TNR: variants seen among roughly 807,000 people sequenced by gnomAD.
The protein encoded by TNR is tenascin-R.
In TNR, 45 loss-of-function variants were observed where a neutral mutation model predicts 150.4. The observed-to-expected ratio is 0.30, with a 90% CI of 0.24 to 0.38. The LOEUF is 0.38. TNR is among the 10% of genes least tolerant of loss of function. The pLI, the probability that TNR is intolerant of heterozygous loss-of-function variation, is 1.00. For missense variants in TNR, 1,544 were observed against 1,759.1 expected (o/e 0.88, Z 2.19); for synonymous variants, 687 against 678.4 (o/e 1.01, Z -0.20).
intron 1 of TNR, among the ~76,000 whole-genome samples, chr1:175,714,060 C>T (rs1667089283): frequency 6.6e-6 from 1 of 151,884 alleles, no homozygotes; most frequent in Non-Finnish European, 1.5e-5. Context: ...TGTTCTCTCT[C>T]TATGTGCTGT....
At chr1:175,631,256 A>T (rs964492359) in intron 1 of TNR, among the ~76,000 whole-genome samples, 14 of 152,264 alleles carry the variant, frequency 9.2e-5, no homozygotes, top group African/African-American at 3.4e-4. Context: ...ATTTGTTAAG[A>T]TAAAAGAAAA....
intron 1 of TNR, among the ~76,000 whole-genome samples, chr1:175,665,715 G>A (rs1206149592): frequency 1.3e-5 from 2 of 152,192 alleles, no homozygotes; most frequent in African/African-American, 2.4e-5. Context: ...ACCTGTACCA[G>A]GCACTGTTAG....
At chr1:175,630,025 C>A (rs1356919809) in intron 1 of TNR, among the ~76,000 whole-genome samples, 1 of 152,152 alleles carries the variant, frequency 6.6e-6, no homozygotes, top group African/African-American at 2.4e-5. Flanking sequence ...TGCCCAGGGT[C>A]ATTTCCCAGG....
intron 2 of TNR, among the ~76,000 whole-genome samples, chr1:175,504,514 G>A (rs1658871266): frequency 1.3e-5 from 2 of 152,156 alleles, no homozygotes; most frequent in African/African-American, 2.4e-5. Context: ...TGCCTCCGCT[G>A]TGAGTCGGGT....
At chr1:175,547,317 T>C (rs1482202255) in intron 1 of TNR, among the ~76,000 whole-genome samples, 1 of 145,426 alleles carries the variant, frequency 6.9e-6, no homozygotes, top group South Asian at 2.3e-4. Flanking sequence ...TGTGGGACTG[T>C]CGCCACCCTC....
At chr1:175,566,583 T>C (rs75357818) in intron 1 of TNR, among the ~76,000 whole-genome samples, 8,713 of 152,308 alleles carry the variant, frequency 0.057, 836 homozygotes, top group African/African-American at 0.2. Context: ...GGGGTTCAGC[T>C]GGAAGGGGAT....
At chr1:175,477,708 G>A (rs1571496809) in intron 2 of TNR, among the ~76,000 whole-genome samples, 1 of 152,210 alleles carries the variant, frequency 6.6e-6, no homozygotes, top group Non-Finnish European at 1.5e-5. Context: ...AGAGAGGAAA[G>A]CATTTGGGAG....
At chr1:175,718,766 G>C (rs1373515073) in intron 1 of TNR, among the ~76,000 whole-genome samples, 2 of 152,108 alleles carry the variant, frequency 1.3e-5, no homozygotes, top group Non-Finnish European at 2.9e-5. Context: ...GAAGCCCGGG[G>C]GATTATATGA....
chr1:175,540,002 T>C (rs376954942), intron 1 of TNR, among the ~76,000 whole-genome samples: 2 of 151,266 alleles, frequency 1.3e-5, no homozygotes, highest in East Asian at 2.0e-4. Flanking sequence ...AGAAGACAAG[T>C]TGAATCTCCC....
intron 1 of TNR, among the ~76,000 whole-genome samples, chr1:175,659,829 G>C (rs1024291084): frequency 6.6e-6 from 1 of 152,032 alleles, no homozygotes; most frequent in African/African-American, 2.4e-5. Context: ...GGAGGTGGCA[G>C]GTGTGGTGGG....
chr1:175,729,470 C>G (rs1667573104), intron 1 of TNR, among the ~76,000 whole-genome samples: 1 of 152,212 alleles, frequency 6.6e-6, no homozygotes, highest in African/African-American at 2.4e-5. Flanking sequence ...TGCTCTGTCT[C>G]CACGCCAGAG....
intron 19 of TNR, among the ~76,000 whole-genome samples, chr1:175,336,452 T>C (rs1250867566): frequency 2.6e-5 from 4 of 152,166 alleles, no homozygotes; most frequent in Admixed American, 1.3e-4. Flanking sequence ...CCAGGAAACA[T>C]CCAGCACTGT....
intron 2 of TNR, among the ~76,000 whole-genome samples, chr1:175,462,134 T>C (rs901795923): frequency 4.6e-5 from 7 of 152,212 alleles, no homozygotes. Context: ...CTTTCTCCTT[T>C]GATTATAAAA....
chr1:175,501,365 C>A (rs1456786567), intron 2 of TNR, among the ~76,000 whole-genome samples: 3 of 152,204 alleles, frequency 2.0e-5, no homozygotes, highest in Non-Finnish European at 2.9e-5. Flanking sequence ...CAGCCCCCTG[C>A]CAATAGCCAG....
rs189857036 is a variant in TNR at position 175,581,739 on chromosome 1, G to T, written c.-164-53370C>A. Among the ~76,000 whole-genome samples, 11 of 152,254 alleles carry T rather than the reference G, an allele frequency of 7.2e-5. No homozygotes were observed. The East Asian group carries it at 2.1e-3, about 29-fold the overall frequency. On this transcript the variant is annotated intron_variant, in intron 1 of 22. Coordinates refer to ENST00000367674, the MANE Select transcript of TNR (RefSeq NM_003285.3). The stretch of plus-strand genomic sequence containing the variant: ...ATGACAGATTAGATAAGATGATCAG[G>T]TTTATAGTGTTGGTGACAGGCATAA...
At chr1:175,338,914 G>C (rs1197548944) in intron 18 of TNR, among the ~76,000 whole-genome samples, 2 of 152,196 alleles carry the variant, frequency 1.3e-5, no homozygotes, top group African/African-American at 4.8e-5. Context: ...CACCAGGACT[G>C]CCCTTCAACT....
intron 6 of TNR, among the ~76,000 whole-genome samples, chr1:175,393,550 G>T (rs1653277125): frequency 6.6e-6 from 1 of 152,184 alleles, no homozygotes; most frequent in South Asian, 2.1e-4. Flanking sequence ...CACATCCTCT[G>T]TTCTGCAAGG....
At chr1:175,629,337 T>C (rs559529199) in intron 1 of TNR, among the ~76,000 whole-genome samples, 2 of 152,190 alleles carry the variant, frequency 1.3e-5, no homozygotes, top group African/African-American at 4.8e-5. Context: ...GCCAGGATCA[T>C]AGCCTCATAC....
At chr1:175,674,916 C>G (rs1241672272) in intron 1 of TNR, among the ~76,000 whole-genome samples, 6 of 152,004 alleles carry the variant, frequency 3.9e-5, no homozygotes, top group Admixed American at 6.6e-5. Flanking sequence ...CTTACCCGCA[C>G]AGCTAATTAA....
Sources: gnomAD v4.1 joint callset for allele counts (sites outside exome capture counted in the v4.1 genomes callset) on GRCh38, gnomAD v4.1.1 for gene constraint, MANE v1.5 for transcripts, NCBI Gene and HGNC (gene_info 2026-07-23, HGNC 2026-07-21) for gene names.